The following ZNF638 variants were observed in gnomAD, a reference collection of about 807,000 sequenced individuals.
The protein encoded by ZNF638 is zinc finger protein 638, also known as CTCL tumor antigen se33-1.
Under a neutral mutation model 195.6 loss-of-function variants are expected in ZNF638, and 46 were observed. The ratio of observed to expected loss-of-function variants is 0.24; its 90% CI spans 0.19 to 0.30. The LOEUF is 0.30. ZNF638 is among the 10% of genes least tolerant of loss of function. The pLI, the probability that ZNF638 is intolerant of heterozygous loss-of-function variation, is 1.00. For missense variants in ZNF638, 2,440 were observed against 2,325.3 expected (o/e 1.05, Z -1.01); for synonymous variants, 845 against 772.0 (o/e 1.09, Z -1.57).
chr2:71,350,615 T>C (rs2078923844), intron 2 of ZNF638, among the ~76,000 whole-genome samples: 1 of 152,262 alleles, frequency 6.6e-6, no homozygotes, highest in Non-Finnish European at 1.5e-5. Flanking sequence ...TAAAAGGATC[T>C]GTTAGTATAA....
intron 10 of ZNF638, chr2:71,395,248 A>T (rs1254507827): frequency 2.8e-6 from 2 of 717,290 alleles, no homozygotes; most frequent in African/African-American, 3.5e-5. Flanking sequence ...TAATTCTAGG[A>T]TGCAAAGCCG....
chr2:71,393,555 G>A, intron 10 of ZNF638: 1 of 718,012 alleles, frequency 1.4e-6, no homozygotes, highest in Non-Finnish European at 2.6e-6. Flanking sequence ...GGGGGATGCT[G>A]AAGAAGACAA....
chr2:71,421,384 C>G (rs906528463), intron 21 of ZNF638, among the ~76,000 whole-genome samples: 7 of 151,694 alleles, frequency 4.6e-5, no homozygotes, highest in Non-Finnish European at 4.4e-5. Context: ...AACATTTTAG[C>G]ATGCAAAGAA....
intron 22 of ZNF638, 88 bp from the exon 23 acceptor site, chr2:71,424,562 T>G (rs942055295): frequency 2.4e-5 from 24 of 1,016,654 alleles, no homozygotes; most frequent in East Asian, 1.3e-4. Context: ...ATGTTTACTG[T>G]TTTTTTTTGT....
intron 8 of ZNF638, among the ~76,000 whole-genome samples, chr2:71,377,228 A>C (rs4852779): frequency 0.48 from 72,786 of 152,006 alleles, 18,932 homozygotes; most frequent in Admixed American, 0.61. Flanking sequence ...GTGAGACCCT[A>C]TCTCAACAAA....
In ZNF638 at chr2:71,349,560, A is replaced by G; in HGVS notation, c.606A>G (p.Glu202=). 4 of 1,614,226 alleles carry G rather than the reference A, an allele frequency of 2.5e-6. No individual in the cohort carries two copies. Among genetic ancestry groups the G allele is most frequent in the Non-Finnish European group, 3.4e-6 (4 of 1,180,032 alleles). ...GAAATAAAGAAACACTTGGTAGTGAAGCAGTTTCAAGTAATGTGATCGATT... is the reference window on the plus strand; with the variant it reads ...GAAATAAAGAAACACTTGGTAGTGAGGCAGTTTCAAGTAATGTGATCGATT... ...QSRNKETLGS[E]AVSSNVIDYG... The change falls in exon 2 of 28, where the codon GAA becomes GAG. Residue 202 remains glutamate, a synonymous_variant. Coordinates refer to ENST00000264447, the MANE Select transcript of ZNF638 (RefSeq NM_014497.5).
At position 71,434,789 on chromosome 2, in the gene ZNF638, A is replaced by C; in HGVS notation, c.5919A>C (p.Glu1973Asp). Reference protein sequence around the residue: ...QRKEKEQNEAEERSSR With the variant: ...QRKEKEQNEADERSSR ...AGGAAAAGGAGCAGAATGAGGCTGAAGAAAGAAGCTCTAGGTGATTGGGGG... is the reference window on the plus strand; with the variant it reads ...AGGAAAAGGAGCAGAATGAGGCTGACGAAAGAAGCTCTAGGTGATTGGGGG... The change falls in exon 28 of 28, where the codon GAA becomes GAC. Residue 1973 changes from glutamate (E) to aspartate (D), a missense_variant. Coordinates refer to ENST00000264447, the MANE Select transcript of ZNF638 (RefSeq NM_014497.5). 6.2e-7 allele frequency: 1 copy of C among 1,610,910 alleles called. No homozygotes were observed. The highest frequency in any genetic ancestry group is 2.2e-5 in the East Asian group (1 of 44,774).
In ZNF638 at chr2:71,364,152, C is replaced by T; in HGVS notation, c.1617C>T (p.Ser539=). The T allele has an allele frequency of 1.2e-6, 2 of 1,614,126 alleles. No individual in the cohort carries two copies. Among genetic ancestry groups the T allele is most frequent in the Non-Finnish European group, 1.7e-6 (2 of 1,180,032 alleles). ...FISRYRSRSR[S]RSPYRIRNPF... Reference sequence around the variant, plus strand: ...CTAGATACAGATCCAGATCCAGATCCCGTTCACCATATCGAATTAGAAATC... The same window carrying T: ...CTAGATACAGATCCAGATCCAGATCTCGTTCACCATATCGAATTAGAAATC... The change falls in exon 5 of 28, where the codon TCC becomes TCT. Residue 539 remains serine, a synonymous_variant. Transcript: ENST00000264447.
intron 10 of ZNF638, among the ~76,000 whole-genome samples, chr2:71,381,336 G>C (rs144131921): frequency 2.0e-5 from 3 of 152,226 alleles, no homozygotes; most frequent in Admixed American, 6.5e-5. Context: ...AGTTTTACTA[G>C]TGAGGTGAAA....
At chr2:71,388,717 G>A in intron 10 of ZNF638, 2 of 1,196,168 alleles carry the variant, frequency 1.7e-6, no homozygotes, top group Non-Finnish European at 2.5e-6. Flanking sequence ...AAGAGACTGT[G>A]CAGTCAGTAA....
intron 4 of ZNF638, 100 bp downstream of exon 4, chr2:71,363,291 T>G (rs2079139324): frequency 1.1e-6 from 1 of 918,266 alleles, no homozygotes; most frequent in Non-Finnish European, 1.6e-6. Flanking sequence ...ACTTCTGCCA[T>G]TTAAACAACA....
chr2:71,376,769 G>C (rs2079435141), intron 8 of ZNF638, among the ~76,000 whole-genome samples: 2 of 152,120 alleles, frequency 1.3e-5, no homozygotes, highest in African/African-American at 4.8e-5. Context: ...ACTCTTGTCA[G>C]AAACTAGGTA....
In ZNF638 at chr2:71,422,974, G is replaced by C; in HGVS notation, c.3460G>C (p.Ala1154Pro). 6.2e-7 allele frequency: 1 copy of C among 1,614,122 alleles called. No homozygotes were observed. Among genetic ancestry groups the C allele is most frequent in the Non-Finnish European group, 8.5e-7 (1 of 1,179,976 alleles). Residue 1154 changes from alanine to proline, a missense_variant, in exon 22 of 28, where the codon GCA becomes CCA. Ala to Pro is a conservative substitution (Grantham distance 27). Transcript: ENST00000264447. The part of the protein sequence containing the change: ...EEPCEEEAEK[A>P]TCDSDFAVET... ...GCCTTGTGAGGAAGAAGCTGAAAAA[G>C]CAACATGTGATTCTGACTTTGCTGT...
chr2:71,382,430 G>C (rs1370279275), intron 10 of ZNF638, among the ~76,000 whole-genome samples: 1 of 152,166 alleles, frequency 6.6e-6, no homozygotes, highest in Non-Finnish European at 1.5e-5. Context: ...AAGGGTACTT[G>C]ATAATTTTTT....
intron 20 of ZNF638, 121 bp downstream of exon 20, chr2:71,408,368 A>G: frequency 8.2e-7 from 1 of 1,222,004 alleles, no homozygotes; most frequent in Non-Finnish European, 1.1e-6. Context: ...TTTGTGTTGC[A>G]ATCAGTGTTC....
chr2:71,402,238 T>G, intron 16 of ZNF638, 151 bp downstream of exon 16: 3 of 756,366 alleles, frequency 4.0e-6, no homozygotes, highest in Admixed American at 3.6e-5. Flanking sequence ...AACACAGATA[T>G]CCTGTATTTT....
chr2:71,332,964 T>A (rs2078599066), intron 1 of ZNF638: 1 of 152,230 alleles, frequency 6.6e-6, no homozygotes, highest in Non-Finnish European at 1.5e-5. Context: ...AAAAATTTTC[T>A]GCTTTTTCCC....
intron 1 of ZNF638, among the ~76,000 whole-genome samples, chr2:71,342,551 T>G (rs1313296395): frequency 6.6e-6 from 1 of 152,194 alleles, no homozygotes; most frequent in Non-Finnish European, 1.5e-5. Flanking sequence ...ACTGTAGATT[T>G]AAAGTTTATA....
chr2:71,354,315 GA>G (rs2078987823), intron 2 of ZNF638, among the ~76,000 whole-genome samples: 1 of 147,524 alleles, frequency 6.8e-6, no homozygotes, highest in South Asian at 2.1e-4. Flanking sequence ...TTTCACCTTG[GA>G]AACTGTATCT....
Sources: gnomAD v4.1 joint callset for allele counts (sites outside exome capture counted in the v4.1 genomes callset) on GRCh38, gnomAD v4.1.1 for gene constraint, MANE v1.5 for transcripts, NCBI Gene and HGNC (gene_info 2026-07-23, HGNC 2026-07-21) for gene names.